Variants in HECW2 observed in about 807,000 individuals in gnomAD.
The protein encoded by HECW2 is E3 ubiquitin-protein ligase HECW2.
In HECW2, 61 loss-of-function variants were observed where a neutral mutation model predicts 175.2. The observed-to-expected ratio is 0.35, with a 90% confidence interval of 0.28 to 0.43. The LOEUF is 0.43. Among genes scored for constraint, HECW2 ranks in the 20% least tolerant of loss-of-function variants. HECW2 has a pLI of 1.00. For missense variants in HECW2, 1,524 were observed against 2,000.5 expected (o/e 0.76, Z 4.54); for synonymous variants, 671 against 731.0 (o/e 0.92, Z 1.32).
At chr2:196,523,451 A>T (rs1212163441) in intron 1 of HECW2, among the ~76,000 whole-genome samples, 1 of 151,542 alleles carries the variant, frequency 6.6e-6, no homozygotes, top group Non-Finnish European at 1.5e-5. Context: ...TCTTTTCCTA[A>T]TTGAATACCC....
intron 3 of HECW2, among the ~76,000 whole-genome samples, chr2:196,336,632 C>T (rs1346555555): frequency 6.6e-6 from 1 of 151,924 alleles, no homozygotes; most frequent in African/African-American, 2.4e-5. Context: ...AGGTAACAGA[C>T]AATGAGATAA....
At chr2:196,397,988 C>T (rs145341699) in intron 2 of HECW2, among the ~76,000 whole-genome samples, 43 of 152,240 alleles carry the variant, frequency 2.8e-4, no homozygotes, top group African/African-American at 6.5e-4. Context: ...CATACCCTTC[C>T]GAGATACCTC....
chr2:196,312,208 A>G (rs1454449933), intron 10 of HECW2, among the ~76,000 whole-genome samples: 1 of 149,784 alleles, frequency 6.7e-6, no homozygotes, highest in Admixed American at 6.7e-5. Flanking sequence ...TGAGAAGTTA[A>G]CAACTAAACA....
rs1287852090 is a variant in HECW2, at chr2:196,261,586, C to T, written c.3336-3680G>A. Among the ~76,000 whole-genome samples the T allele has an allele frequency of 7.2e-5, 11 of 152,294 alleles. No individual in the cohort carries two copies. The East Asian group carries it at 2.1e-3, about 29-fold the overall frequency. On this transcript the variant is annotated intron_variant, in intron 17 of 28. Coordinates refer to ENST00000644978, the MANE Select transcript of HECW2 (RefSeq NM_001348768.2). ...AAAAAATCAAAAGAATCAAGTCAAACACAAGCACAGAAAGGTGCAAATGTG... is the reference window on the plus strand; with the variant it reads ...AAAAAATCAAAAGAATCAAGTCAAATACAAGCACAGAAAGGTGCAAATGTG...
intron 20 of HECW2, 40 bp from the exon 21 acceptor site, chr2:196,240,602 C>T (rs1000366695): frequency 4.7e-6 from 7 of 1,498,304 alleles, no homozygotes; most frequent in Admixed American, 4.5e-5. Context: ...CAAATTATTA[C>T]TATACTATTA....
chr2:196,308,987 T>C (rs1182262010), intron 10 of HECW2, among the ~76,000 whole-genome samples: 2 of 152,250 alleles, frequency 1.3e-5, no homozygotes, highest in African/African-American at 4.8e-5. Context: ...TATTTTTGTG[T>C]AAGTTATTTT....
At chr2:196,569,247 C>G (rs996610254) in intron 1 of HECW2, among the ~76,000 whole-genome samples, 1 of 152,208 alleles carries the variant, frequency 6.6e-6, no homozygotes, top group Admixed American at 6.5e-5. Context: ...GAGGCTGAGG[C>G]AGGAGGCTCA....
intron 3 of HECW2, among the ~76,000 whole-genome samples, chr2:196,340,510 C>T (rs777062190): frequency 1.5e-4 from 21 of 144,374 alleles, no homozygotes; most frequent in African/African-American, 3.6e-4. Flanking sequence ...GCAGGAGAAT[C>T]GCTTGAACCC....
intron 1 of HECW2, among the ~76,000 whole-genome samples, chr2:196,576,719 A>G (rs1356635106): frequency 6.6e-6 from 1 of 152,232 alleles, no homozygotes; most frequent in Non-Finnish European, 1.5e-5. Context: ...CTCACCACAA[A>G]AAAAAGATAA....
intron 14 of HECW2, among the ~76,000 whole-genome samples, chr2:196,280,591 A>AT (rs774353389): frequency 3.3e-5 from 5 of 152,164 alleles, no homozygotes; most frequent in African/African-American, 4.8e-5. Flanking sequence ...TTTGTGTGAG[A>AT]TTTTGTCATC....
At position 196,469,607 on chromosome 2, in the gene HECW2, G is replaced by C. The variant is rs139480335; in HGVS notation, c.-35-36149C>G. Among the ~76,000 whole-genome samples, 71 of 152,200 alleles carry C rather than the reference G, an allele frequency of 4.7e-4. No individual in the cohort carries two copies. In the East Asian group the frequency reaches 9.8e-3, roughly 21 times the overall value. ...AAGTATGTTTTATGATCTTGAGATA[G>C]AGGTTATTTACATATGTCATTAAAT... On this transcript the variant is annotated intron_variant, in intron 1 of 28. Transcript: ENST00000644978.
intron 2 of HECW2, among the ~76,000 whole-genome samples, chr2:196,422,077 G>A (rs1339903657): frequency 6.6e-6 from 1 of 152,112 alleles, no homozygotes; most frequent in Non-Finnish European, 1.5e-5. Flanking sequence ...CACTGTCCTT[G>A]GTACTGCCCT....
At chr2:196,337,776 G>A (rs1011327829) in intron 3 of HECW2, among the ~76,000 whole-genome samples, 19 of 151,208 alleles carry the variant, frequency 1.3e-4, no homozygotes, top group African/African-American at 4.6e-4. Flanking sequence ...CATCCTGTAC[G>A]AACCTGTAAG....
At chr2:196,210,369 C>T (rs2105785196) in intron 28 of HECW2, among the ~76,000 whole-genome samples, 1 of 151,804 alleles carries the variant, frequency 6.6e-6, no homozygotes, top group South Asian at 2.1e-4. Context: ...TAGTAATTGA[C>T]TTTTTTTTCC....
intron 28 of HECW2, among the ~76,000 whole-genome samples, chr2:196,208,618 CAGG>C (rs1439441521): frequency 6.6e-6 from 1 of 152,154 alleles, no homozygotes; most frequent in Non-Finnish European, 1.5e-5. Context: ...GGGCCTTTCT[CAGG>C]AGATCACCTC....
chr2:196,548,683 A>G (rs568471744), intron 1 of HECW2, among the ~76,000 whole-genome samples: 1 of 152,354 alleles, frequency 6.6e-6, no homozygotes, highest in South Asian at 2.1e-4. Flanking sequence ...AAGAAATACC[A>G]CAGCCTGGGT....
intron 14 of HECW2, among the ~76,000 whole-genome samples, chr2:196,287,256 A>G (rs1416741077): frequency 2.0e-5 from 3 of 152,244 alleles, no homozygotes; most frequent in East Asian, 3.8e-4. Flanking sequence ...AAGCCAATTT[A>G]GCTGGGAGAT....
At chr2:196,368,990 T>A (rs1693832158) in intron 2 of HECW2, among the ~76,000 whole-genome samples, 1 of 152,196 alleles carries the variant, frequency 6.6e-6, no homozygotes, top group African/African-American at 2.4e-5. Flanking sequence ...CTTATTTAGT[T>A]CCTTTGGTGA....
At chr2:196,257,792 T>C in intron 18 of HECW2, 31 bp downstream of exon 18, 1 of 1,471,934 alleles carries the variant, frequency 6.8e-7, no homozygotes, top group Non-Finnish European at 9.5e-7. Context: ...CAAGAGACCT[T>C]CTGCTTCAAG....
Sources: allele counts gnomAD v4.1 joint callset (sites outside exome capture counted in the v4.1 genomes callset), GRCh38; gene constraint gnomAD v4.1.1; transcripts MANE v1.5; gene names NCBI Gene and HGNC (gene_info 2026-07-23, HGNC 2026-07-21).